The following C7orf57 variants were observed in gnomAD, a reference collection of about 807,000 sequenced individuals.
C7orf57 encodes uncharacterized protein C7orf57.
Under a neutral mutation model 39.0 loss-of-function variants are expected in C7orf57, and 33 were observed. The ratio of observed to expected loss-of-function variants is 0.85; its 90% CI spans 0.64 to 1.13. C7orf57 has a LOEUF of 1.13. Ranked by LOEUF, C7orf57 falls within the 50% of genes most tolerant of loss-of-function variation. C7orf57 has a pLI of 0.00. For missense variants in C7orf57, 346 were observed against 362.3 expected, an observed-to-expected ratio of 0.95 and a Z score of 0.37; for synonymous variants, 124 against 137.1, an observed-to-expected ratio of 0.90 and a Z score of 0.67.
intron 5 of C7orf57, among the ~76,000 whole-genome samples, chr7:48,048,853 TA>T (rs1226573137): frequency 2.6e-5 from 4 of 151,852 alleles, no homozygotes; most frequent in Non-Finnish European, 5.9e-5. Context: ...AAGTTCACCT[TA>T]AAAAAAACCG....
chr7:48,048,803 T>G (rs909940533), intron 5 of C7orf57, among the ~76,000 whole-genome samples: 1 of 151,740 alleles, frequency 6.6e-6, no homozygotes, highest in Non-Finnish European at 1.5e-5. Flanking sequence ...TTCTGGACAG[T>G]GCAGGAACAT....
At position 48,036,243 on chromosome 7, in the gene C7orf57, C is replaced by A; in HGVS notation, c.-66C>A. The A allele has an allele frequency of 6.6e-7, 1 of 1,517,390 alleles. No individual in the cohort carries two copies. Among genetic ancestry groups the A allele is most frequent in the Non-Finnish European group, 9.0e-7 (1 of 1,115,688 alleles). The allele number at this position is 1,517,390 out of a possible 1,614,324, so 94.0% of individuals were successfully genotyped here. A position where few individuals can be genotyped will look rare whatever the true frequency, so the allele number is the denominator to read the frequency against. ...TGGCAACTGGTCAAGCAGGCAGCGT[C>A]CAGCGCACCCGCGAACACCAGGTCC... On this transcript the variant is annotated 5_prime_UTR_variant, in exon 2 of 9. Transcript: ENST00000348904.
chr7:48,038,401 T>C (rs1364415633), intron 2 of C7orf57, among the ~76,000 whole-genome samples: 1 of 152,106 alleles, frequency 6.6e-6, no homozygotes, highest in African/African-American at 2.4e-5. Flanking sequence ...GATAGATAGA[T>C]AGATAGATAG....
chr7:48,037,436 C>T (rs1484185381), intron 2 of C7orf57, among the ~76,000 whole-genome samples: 2 of 152,144 alleles, frequency 1.3e-5, no homozygotes, highest in African/African-American at 4.8e-5. Flanking sequence ...TAAGTGGCTC[C>T]ACAGCTGTTC....
At chr7:48,041,545 T>C in intron 3 of C7orf57, 26 bp downstream of exon 3, 1 of 1,534,092 alleles carries the variant, frequency 6.5e-7, no homozygotes, top group Non-Finnish European at 8.8e-7. Context: ...CCCTGTTCAG[T>C]GTGGCAGCCT....
chr7:48,044,884 C>A (rs1225604459), intron 4 of C7orf57, among the ~76,000 whole-genome samples: 2 of 152,192 alleles, frequency 1.3e-5, no homozygotes, highest in African/African-American at 4.8e-5. Context: ...CATTTCAGGC[C>A]ATTTCCCCAT....
At chr7:48,059,773 C>A (rs776901792) in intron 8 of C7orf57, among the ~76,000 whole-genome samples, 96 of 152,188 alleles carry the variant, frequency 6.3e-4, no homozygotes, top group Non-Finnish European at 1.2e-3. Context: ...CATTAGGAAA[C>A]TGGTACACTA....
chr7:48,042,159 A>G (rs1202102779), intron 3 of C7orf57, among the ~76,000 whole-genome samples: 2 of 152,152 alleles, frequency 1.3e-5, no homozygotes, highest in Non-Finnish European at 2.9e-5. Flanking sequence ...AGCTGCCATT[A>G]CCCCTGTGGG....
In C7orf57 at chr7:48,036,332, T is replaced by G. The variant is rs1272921566; in HGVS notation, c.24T>G (p.Leu8=). Residue 8 remains leucine (L), a synonymous_variant, in exon 2 of 9, where the codon CTT becomes CTG. Transcript: ENST00000348904. ...CCATGAGGAACACAAGCAAGGAACT[T>G]CAGGGCGCCACGCACCGCTACGCTC... is the stretch of plus-strand genomic sequence containing the variant. The part of the protein sequence containing the change: MRNTSKE[L]QGATHRYAPC... 1.3e-6 allele frequency: 2 copies of G among 1,591,414 alleles called. No homozygotes were observed. The highest frequency in any genetic ancestry group is 1.7e-6 in the Non-Finnish European group (2 of 1,169,428).
At chr7:48,049,257 G>A (rs1396161434) in intron 5 of C7orf57, among the ~76,000 whole-genome samples, 2 of 152,174 alleles carry the variant, frequency 1.3e-5, no homozygotes, top group Non-Finnish European at 2.9e-5. Context: ...TGACTGCCAC[G>A]CCGCATTTCG....
chr7:48,045,905 T>C (rs1388547048), intron 4 of C7orf57, among the ~76,000 whole-genome samples: 1 of 152,176 alleles, frequency 6.6e-6, no homozygotes, highest in African/African-American at 2.4e-5. Context: ...ACAGAGCATG[T>C]TATTATTATT....
In C7orf57 at chr7:48,057,812, G is replaced by GC. The variant is rs557992620; in HGVS notation, c.842-2414_842-2413insC. Among the ~76,000 whole-genome samples the GC allele has an allele frequency of 2.5e-3, 377 of 151,954 alleles. 1 individual carries two copies. The highest frequency in any genetic ancestry group is 3.5e-3 in the South Asian group (17 of 4,818). On this transcript the variant is annotated intron_variant, in intron 8 of 8. Coordinates refer to ENST00000348904, the MANE Select transcript of C7orf57 (RefSeq NM_001100159.3). Reference sequence around the variant, plus strand: ...TTCCTCTATGCTTAATTTGTTGAGAGTTTTTTTTATCATAAAAGGATGTTG... The same window carrying GC: ...TTCCTCTATGCTTAATTTGTTGAGAGCTTTTTTTTATCATAAAAGGATGTTG...
intron 8 of C7orf57, among the ~76,000 whole-genome samples, chr7:48,059,593 C>T (rs1791231568): frequency 6.6e-6 from 1 of 152,168 alleles, no homozygotes; most frequent in Non-Finnish European, 1.5e-5. Flanking sequence ...TGAAGCAATC[C>T]ACCCACTTCA....
rs1791260995 is a variant in C7orf57, at chr7:48,060,464, G to T, written c.*192G>T. On this transcript the variant is annotated 3_prime_UTR_variant, in exon 9 of 9. Coordinates refer to ENST00000348904, the MANE Select transcript of C7orf57 (RefSeq NM_001100159.3). ...TGGTTTTTGTTTCTTGCATTTCTCT[G>T]GGATGTGAAACACTTGGCTAACAAA... The T allele has an allele frequency of 2.2e-6, 1 of 457,058 alleles. No homozygotes were observed. The highest frequency in any genetic ancestry group is 2.0e-5 in the African/African-American group (1 of 50,046). 28.3% of individuals were successfully genotyped at this position (457,058 alleles called of 1,614,324 possible). A position where few individuals can be genotyped will look rare whatever the true frequency, so the allele number is the denominator to read the frequency against.
intron 8 of C7orf57, 140 bp from the exon 9 acceptor site, chr7:48,060,086 G>C (rs1254314074): frequency 3.9e-6 from 2 of 513,238 alleles, no homozygotes; most frequent in Non-Finnish European, 3.4e-6. Flanking sequence ...AGGATCATAA[G>C]CTCAATTTTT....
intron 2 of C7orf57, among the ~76,000 whole-genome samples, chr7:48,040,337 T>G (rs375775491): frequency 7.2e-5 from 11 of 152,244 alleles, no homozygotes; most frequent in African/African-American, 2.4e-4. Flanking sequence ...GCCTGGCTTC[T>G]TCGTGGGACC....
chr7:48,043,236 C>A (rs1284632232), intron 3 of C7orf57, among the ~76,000 whole-genome samples: 2 of 152,154 alleles, frequency 1.3e-5, no homozygotes, highest in Admixed American at 1.3e-4. Flanking sequence ...CTGTCCAGAT[C>A]TGCAAAGAGT....
chr7:48,051,700 TC>T (rs1790885999), intron 6 of C7orf57, among the ~76,000 whole-genome samples: 1 of 123,774 alleles, frequency 8.1e-6, no homozygotes, highest in African/African-American at 2.7e-5. Flanking sequence ...TTTCTTTCTT[TC>T]TCTCTCTCTC....
chr7:48,058,509 CT>C (rs1238912455), intron 8 of C7orf57, among the ~76,000 whole-genome samples: 1 of 151,984 alleles, frequency 6.6e-6, no homozygotes, highest in Non-Finnish European at 1.5e-5. Flanking sequence ...CACAGTTGTC[CT>C]TTGTGGTCCT....
Sources: allele counts gnomAD v4.1 joint callset (sites outside exome capture counted in the v4.1 genomes callset), GRCh38; gene constraint gnomAD v4.1.1; transcripts MANE v1.5; gene names NCBI Gene and HGNC (gene_info 2026-07-23, HGNC 2026-07-21).